FAT3: variants seen among roughly 807,000 people sequenced by gnomAD.
FAT3 encodes the protein protocadherin Fat 3.
FAT3 carries 95 observed loss-of-function variants against 310.2 expected under a neutral mutation model. The observed-to-expected ratio is 0.31, with a 90% CI of 0.26 to 0.36. The LOEUF (loss-of-function observed/expected upper bound fraction) is 0.36, where lower values mean the gene tolerates loss of function less well. Among genes scored for constraint, FAT3 ranks in the 10% least tolerant of loss-of-function variants. The pLI, the probability that FAT3 is intolerant of heterozygous loss-of-function variation, is 1.00. For missense variants in FAT3, 5,408 were observed against 5,715.6 expected (o/e 0.95, Z 1.74); for synonymous variants, 2,314 against 2,192.9 (o/e 1.06, Z -1.54).
At chr11:92,803,166 T>C (rs777490732) in intron 10 of FAT3, among the ~76,000 whole-genome samples, 11 of 152,190 alleles carry the variant, frequency 7.2e-5, no homozygotes, top group Admixed American at 3.3e-4. Flanking sequence ...AGGGTCCTTT[T>C]CTATTTGGAG....
rs10830954 is a variant in FAT3, at chr11:92,894,682, A to G, written c.*3569A>G. 151,696 of 152,344 alleles carry G rather than the reference A, an allele frequency of 1. 75,526 individuals carry two copies. The highest frequency in any genetic ancestry group is 1 in the Middle Eastern group (294 of 294). The allele number at this position is 152,344 out of a possible 1,614,324, so 9.4% of individuals were successfully genotyped here. ...TCCTCTATGAATATTTTGCTGCTGC[A>G]TTCTAGTCTATGCCAGCTTTCCATG... On this transcript the variant is annotated 3_prime_UTR_variant, in exon 28 of 28. Transcript: ENST00000525166.
intron 2 of FAT3, among the ~76,000 whole-genome samples, chr11:92,493,640 G>A (rs527788): frequency 0.52 from 78,720 of 151,834 alleles, 20,649 homozygotes; most frequent in Middle Eastern, 0.62. Flanking sequence ...CTTACAGTGT[G>A]TGTCCCCAGC....
chr11:92,889,301 C>G (rs1320395396), intron 26 of FAT3, 53 bp downstream of exon 26: 7 of 671,106 alleles, frequency 1.0e-5, no homozygotes, highest in Non-Finnish European at 1.4e-5. Context: ...TTCCTTGTTA[C>G]TTTGGACTAG....
intron 1 of FAT3, among the ~76,000 whole-genome samples, chr11:92,274,686 G>A (rs1946216808): frequency 6.6e-6 from 1 of 151,962 alleles, no homozygotes; most frequent in South Asian, 2.1e-4. Flanking sequence ...CTATTTCTGT[G>A]TTTTCTTTAC....
intron 5 of FAT3, among the ~76,000 whole-genome samples, chr11:92,764,477 G>A (rs1946252337): frequency 6.6e-6 from 1 of 152,064 alleles, no homozygotes; most frequent in Non-Finnish European, 1.5e-5. Flanking sequence ...CATATATAAG[G>A]TTTCACAATG....
intron 1 of FAT3, among the ~76,000 whole-genome samples, chr11:92,249,166 T>G (rs80220593): frequency 6.6e-6 from 1 of 152,098 alleles, no homozygotes. Flanking sequence ...GTTTTGTTCA[T>G]GAAATATGGT....
chr11:92,712,255 A>C (rs1466754650), intron 4 of FAT3, among the ~76,000 whole-genome samples: 12 of 152,124 alleles, frequency 7.9e-5, no homozygotes, highest in Admixed American at 7.9e-4. Flanking sequence ...GTCTCCCGCC[A>C]CACATCCCCC....
intron 24 of FAT3, among the ~76,000 whole-genome samples, chr11:92,884,017 A>G (rs1949740384): frequency 6.6e-6 from 1 of 152,192 alleles, no homozygotes; most frequent in African/African-American, 2.4e-5. Flanking sequence ...TGTAGAGACC[A>G]TGAAACAAGA....
intron 3 of FAT3, among the ~76,000 whole-genome samples, chr11:92,627,869 C>A (rs1941394769): frequency 1.3e-5 from 2 of 152,100 alleles, no homozygotes; most frequent in African/African-American, 4.8e-5. Flanking sequence ...GGAAAAGGTA[C>A]AATATGAACA....
At chr11:92,457,423 A>G (rs1355157845) in intron 2 of FAT3, among the ~76,000 whole-genome samples, 1 of 152,112 alleles carries the variant, frequency 6.6e-6, no homozygotes, top group Non-Finnish European at 1.5e-5. Context: ...TTGTATTCAC[A>G]CTGGGGAGCC....
chr11:92,805,758 T>G (rs1947490588), intron 11 of FAT3, among the ~76,000 whole-genome samples: 1 of 152,192 alleles, frequency 6.6e-6, no homozygotes. Context: ...AACACTGGTC[T>G]CCAGGCTCCT....
chr11:92,859,385 T>C (rs1949066088), intron 21 of FAT3, 63 bp downstream of exon 21: 1 of 1,395,986 alleles, frequency 7.2e-7, no homozygotes, highest in Non-Finnish European at 9.5e-7. Flanking sequence ...GGCTCTTGGA[T>C]TGGGGAACGG....
At chr11:92,347,460 T>C (rs374165009) in intron 1 of FAT3, among the ~76,000 whole-genome samples, 1 of 152,176 alleles carries the variant, frequency 6.6e-6, no homozygotes, top group East Asian at 1.9e-4. Flanking sequence ...ATACCTTTGG[T>C]AGTGTTCAGA....
At chr11:92,342,492 C>A (rs1171715443) in intron 1 of FAT3, among the ~76,000 whole-genome samples, 1 of 152,130 alleles carries the variant, frequency 6.6e-6, no homozygotes, top group Admixed American at 6.5e-5. Context: ...AAGATGTTAA[C>A]TTTTGGAAAT....
intron 4 of FAT3, among the ~76,000 whole-genome samples, chr11:92,752,882 T>A (rs1945866739): frequency 6.6e-6 from 1 of 152,176 alleles, no homozygotes; most frequent in Admixed American, 6.5e-5. Flanking sequence ...AGCTGGTATA[T>A]GGGAAAACAT....
intron 3 of FAT3, among the ~76,000 whole-genome samples, chr11:92,556,186 A>G (rs1306349682): frequency 2.0e-5 from 3 of 152,208 alleles, no homozygotes; most frequent in East Asian, 1.9e-4. Flanking sequence ...AGTAAAGGCT[A>G]TTCTCCTGTT....
chr11:92,373,760 GCACA>G (rs57651290), intron 2 of FAT3, among the ~76,000 whole-genome samples: 4,621 of 129,942 alleles, frequency 0.036, 110 homozygotes, highest in East Asian at 0.081. Flanking sequence ...AGATATGTAT[GCACA>G]CACACACACA....
At chr11:92,795,251 A>G (rs1356807505) in intron 9 of FAT3, among the ~76,000 whole-genome samples, 1 of 152,126 alleles carries the variant, frequency 6.6e-6, no homozygotes, top group African/African-American at 2.4e-5. Flanking sequence ...GATGCATATG[A>G]ATAGAGAGTT....
chr11:92,664,078 C>T (rs1000120875), intron 3 of FAT3, among the ~76,000 whole-genome samples: 5 of 152,224 alleles, frequency 3.3e-5, no homozygotes, highest in Admixed American at 6.5e-5. Flanking sequence ...GGTGTATATG[C>T]TCATTCTCAT....
Sources: gnomAD v4.1 joint callset for allele counts (sites outside exome capture counted in the v4.1 genomes callset) on GRCh38, gnomAD v4.1.1 for gene constraint, MANE v1.5 for transcripts, NCBI Gene and HGNC (gene_info 2026-07-23, HGNC 2026-07-21) for gene names.